The following TPX2 variants were observed in gnomAD, a reference collection of about 807,000 sequenced individuals.
TPX2 encodes the protein targeting protein for Xklp2.
In TPX2, 21 loss-of-function variants were observed where a neutral mutation model predicts 93.6. The observed-to-expected ratio is 0.22, with a 90% CI of 0.16 to 0.32. The LOEUF (loss-of-function observed/expected upper bound fraction) is 0.32. TPX2 is among the 10% of genes least tolerant of loss of function. TPX2 has a pLI of 1.00. For synonymous variants in TPX2, 281 were observed against 298.3 expected (o/e 0.94, Z 0.60); for missense variants, 776 against 871.1 (o/e 0.89, Z 1.37).
intron 17 of TPX2, among the ~76,000 whole-genome samples, chr20:31,800,449 G>C (rs1043991645): frequency 7.2e-5 from 11 of 152,216 alleles, no homozygotes; most frequent in Admixed American, 7.2e-4. Context: ...AATCTGGCTT[G>C]ATTTAGGATT....
Position 31,754,482 on chromosome 20 carries a change from T to G in TPX2, c.-70-2925T>G, listed in dbSNP as rs111760360. On this transcript the variant is annotated intron_variant, in intron 2 of 17. Transcript: ENST00000300403. ...GGTTGGGAGTAACTAATCTCATGATTCATCTCAGTGGATAGCTTATGTGGT... is the reference window on the plus strand; with the variant it reads ...GGTTGGGAGTAACTAATCTCATGATGCATCTCAGTGGATAGCTTATGTGGT... 1.7e-3 allele frequency among the ~76,000 whole-genome samples: 255 copies of G among 152,284 alleles called. 3 individuals carry two copies. The highest frequency in any genetic ancestry group is 6.0e-3 in the African/African-American group (248 of 41,566).
chr20:31,754,717 G>A (rs1296036569), intron 2 of TPX2, among the ~76,000 whole-genome samples: 2 of 152,132 alleles, frequency 1.3e-5, no homozygotes, highest in Non-Finnish European at 2.9e-5. Context: ...CTACAAGGAT[G>A]ATGCTTTAGC....
At position 31,801,206 on chromosome 20, in the gene TPX2, C is replaced by T; in HGVS notation, c.*126C>T. ...TTCTCCAGACTTTTACCTACCCGTG[C>T]CTGAGAAAGCATACTTGACAACTGT... On this transcript the variant is annotated 3_prime_UTR_variant, in exon 18 of 18. Transcript: ENST00000300403. The T allele has an allele frequency of 1.3e-6, 1 of 742,874 alleles. No homozygotes were observed. The highest frequency in any genetic ancestry group is 2.2e-6 in the Non-Finnish European group (1 of 445,718). 46.0% of individuals were successfully genotyped at this position (742,874 alleles called of 1,614,324 possible).
intron 12 of TPX2, among the ~76,000 whole-genome samples, chr20:31,784,462 A>C (rs928196129): frequency 2.6e-5 from 4 of 152,218 alleles, no homozygotes; most frequent in Non-Finnish European, 4.4e-5. Context: ...CAGCTAGTAC[A>C]TGGTGGAGCA....
intron 6 of TPX2, among the ~76,000 whole-genome samples, 160 bp from the exon 7 acceptor site, chr20:31,771,399 TA>T (rs2061963621): frequency 6.6e-6 from 1 of 152,194 alleles, no homozygotes; most frequent in Non-Finnish European, 1.5e-5. Context: ...GCCATTAATA[TA>T]TATGATCTAA....
chr20:31,764,025 A>G (rs989998053), intron 4 of TPX2, among the ~76,000 whole-genome samples: 1 of 151,992 alleles, frequency 6.6e-6, no homozygotes, highest in Non-Finnish European at 1.5e-5. Flanking sequence ...TCTCAAAAAC[A>G]AAAAATTATA....
intron 7 of TPX2, among the ~76,000 whole-genome samples, chr20:31,774,161 G>A (rs951502500): frequency 2.4e-4 from 37 of 152,214 alleles, no homozygotes; most frequent in Middle Eastern, 3.4e-3. Flanking sequence ...GAGCCACCGC[G>A]CCTGGCTGGA....
intron 16 of TPX2, 125 bp downstream of exon 16, chr20:31,797,640 G>A: frequency 1.2e-6 from 1 of 861,946 alleles, no homozygotes; most frequent in Non-Finnish European, 1.8e-6. Flanking sequence ...GCAGATGGTA[G>A]CTTTTCTTCC....
intron 2 of TPX2, among the ~76,000 whole-genome samples, chr20:31,757,104 G>A (rs1172527477): frequency 1.3e-5 from 2 of 151,892 alleles, no homozygotes; most frequent in South Asian, 4.2e-4. Flanking sequence ...TTTAGAGACA[G>A]GGTCTGTCTA....
At chr20:31,752,702 T>G (rs1400322097) in intron 2 of TPX2, among the ~76,000 whole-genome samples, 1 of 152,070 alleles carries the variant, frequency 6.6e-6, no homozygotes, top group Non-Finnish European at 1.5e-5. Context: ...AAGCTCTGCC[T>G]CCCGGGTTCA....
intron 5 of TPX2, 113 bp downstream of exon 5, chr20:31,766,795 C>CTT (rs11299452): frequency 9.7e-3 from 4,334 of 447,122 alleles, no homozygotes; most frequent in Middle Eastern, 0.011. Context: ...CTTTATGTTA[C>CTT]TTTTTTTTTT....
intron 4 of TPX2, among the ~76,000 whole-genome samples, chr20:31,764,165 T>C (rs1005265045): frequency 1.3e-5 from 2 of 150,994 alleles, no homozygotes; most frequent in South Asian, 4.2e-4. Flanking sequence ...CATGTACACA[T>C]ACATGTATAT....
intron 5 of TPX2, among the ~76,000 whole-genome samples, chr20:31,768,588 A>G (rs918088669): frequency 6.6e-6 from 1 of 152,122 alleles, no homozygotes; most frequent in Non-Finnish European, 1.5e-5. Flanking sequence ...AGCACTGACC[A>G]TAATGGGGGT....
At chr20:31,750,523 T>C (rs1301498913) in intron 2 of TPX2, among the ~76,000 whole-genome samples, 1 of 137,260 alleles carries the variant, frequency 7.3e-6, no homozygotes, top group Non-Finnish European at 1.7e-5. Flanking sequence ...TGGAGTGCAG[T>C]GGCATGATCT....
At chr20:31,786,612 C>T (rs889314645) in intron 12 of TPX2, among the ~76,000 whole-genome samples, 1 of 152,180 alleles carries the variant, frequency 6.6e-6, no homozygotes, top group African/African-American at 2.4e-5. Flanking sequence ...CCATGTTGCC[C>T]AGGCTGGTCT....
At chr20:31,782,890 AC>A (rs2062042292) in intron 11 of TPX2, among the ~76,000 whole-genome samples, 3 of 3,494 alleles carry the variant, frequency 8.6e-4, no homozygotes, top group African/African-American at 1.9e-3. Context: ...ATACACACAT[AC>A]ACACACACAC....
intron 2 of TPX2, among the ~76,000 whole-genome samples, chr20:31,756,456 CAG>C (rs543178752): frequency 6.6e-6 from 1 of 151,650 alleles, no homozygotes; most frequent in Non-Finnish European, 1.5e-5. Flanking sequence ...TTATTCAGGG[CAG>C]AGAGAGAATA....
chr20:31,761,853 C>A (rs1038490638), intron 4 of TPX2, among the ~76,000 whole-genome samples: 2 of 152,164 alleles, frequency 1.3e-5, no homozygotes, highest in African/African-American at 2.4e-5. Context: ...AATAGCTGTA[C>A]TAATTGACTT....
Position 31,777,654 on chromosome 20 carries a change from A to C in TPX2, c.882+16A>C. 1 of 1,608,630 alleles carries C rather than the reference A, an allele frequency of 6.2e-7. No individual in the cohort carries two copies. Among genetic ancestry groups the C allele is most frequent in the Non-Finnish European group, 8.5e-7 (1 of 1,175,854 alleles). Reference sequence around the variant, plus strand: ...TTCATCTCCTGTAAGTTGATGGACTAAATGAACATTTCTGTTACTAATATT... The same window carrying C: ...TTCATCTCCTGTAAGTTGATGGACTCAATGAACATTTCTGTTACTAATATT... On this transcript the variant is annotated intron_variant, in intron 9 of 17. Transcript: ENST00000300403.
Sources: allele counts gnomAD v4.1 joint callset (sites outside exome capture counted in the v4.1 genomes callset), GRCh38; gene constraint gnomAD v4.1.1; transcripts MANE v1.5; gene names NCBI Gene and HGNC (gene_info 2026-07-23, HGNC 2026-07-21).